Variants in FCGR2A observed in about 807,000 individuals in gnomAD.
FCGR2A encodes Fc gamma receptor IIa.
A neutral mutation model predicts 29.3 loss-of-function variants in FCGR2A; 18 were observed. That is an observed-to-expected ratio of 0.62 (90% CI 0.43 to 0.91). The LOEUF is 0.91. FCGR2A is among the 40% of genes least tolerant of loss of function. The pLI, the probability that FCGR2A is intolerant of heterozygous loss-of-function variation, is 0.00. For missense variants in FCGR2A, 287 were observed against 393.0 expected (o/e 0.73, Z 2.28); for synonymous variants, 126 against 144.8 (o/e 0.87, Z 0.93).
At chr1:161,513,638 C>G (rs1675956751) in intron 5 of FCGR2A, 1 of 565,410 alleles carries the variant, frequency 1.8e-6, no homozygotes, top group Non-Finnish European at 3.1e-6. Flanking sequence ...GAAAGCTCAG[C>G]AATTCCCTGA....
In FCGR2A at chr1:161,517,382, G is replaced by A. The variant is rs992439763; in HGVS notation, c.781-593G>A. ...CTTAAATTAGAATAAGGTTTCCAAT[G>A]AGTTACAGCAGAGGAGATTGGCTTC... On this transcript the variant is annotated intron_variant, in intron 6 of 6. Coordinates refer to ENST00000271450, the MANE Select transcript of FCGR2A (RefSeq NM_001136219.3). Among the ~76,000 whole-genome samples the A allele has an allele frequency of 1.3e-5, 2 of 152,100 alleles. 1 individual carries two copies. The highest frequency in any genetic ancestry group is 4.8e-5 in the African/African-American group (2 of 41,408).
intron 5 of FCGR2A, 132 bp downstream of exon 5, chr1:161,511,088 T>G: frequency 2.2e-6 from 3 of 1,385,902 alleles, no homozygotes; most frequent in Non-Finnish European, 3.0e-6. Flanking sequence ...TATTTATTAG[T>G]TCATTTATTA....
At chr1:161,505,650 G>A in intron 1 of FCGR2A, 98 bp downstream of exon 1, 1 of 975,624 alleles carries the variant, frequency 1.0e-6, no homozygotes, top group Non-Finnish European at 1.7e-6. Context: ...GGCCCTGGAA[G>A]CAGGGGATAG....
chr1:161,522,628 C>T (rs1313192880), downstream of FCGR2A, among the ~76,000 whole-genome samples: 1 of 152,134 alleles, frequency 6.6e-6, no homozygotes, highest in Non-Finnish European at 1.5e-5. Flanking sequence ...GTGTGACCAG[C>T]TTAGACCCTG....
At chr1:161,506,306 C>T (rs765978760) in intron 2 of FCGR2A, 28 bp from the exon 3 acceptor site, 2 of 1,612,934 alleles carry the variant, frequency 1.2e-6, no homozygotes, top group South Asian at 1.1e-5. Flanking sequence ...GTTATTTATT[C>T]CACACCCCTT....
intron 6 of FCGR2A, chr1:161,514,956 G>C (rs1252095968): frequency 6.6e-6 from 1 of 152,106 alleles, no homozygotes; most frequent in South Asian, 2.1e-4. Context: ...GAAACACAGT[G>C]ATTTCTATGT....
intron 6 of FCGR2A, among the ~76,000 whole-genome samples, chr1:161,517,044 GTCTACCA>G (rs1676188323): frequency 7.0e-6 from 1 of 142,352 alleles, no homozygotes; most frequent in Non-Finnish European, 1.5e-5. Flanking sequence ...GCTATCTTCA[GTCTACCA>G]TTTAAACTTG....
chr1:161,506,171 A>T, intron 2 of FCGR2A, 163 bp from the exon 3 acceptor site: 1 of 1,248,980 alleles, frequency 8.0e-7, no homozygotes, highest in Non-Finnish European at 1.2e-6. Context: ...TTTGCTTCTT[A>T]GATCCACTGA....
rs1441813774 is a variant in FCGR2A at position 161,519,191 on chromosome 1, ACT to A, written c.*1046_*1047del. Reference sequence around the variant, plus strand: ...GATGCTGCAGTTCCAAAAGAGAAGGACTCTTCCAGAGTCATCTACCTGAGTCC... The same window carrying A: ...GATGCTGCAGTTCCAAAAGAGAAGGACTTCCAGAGTCATCTACCTGAGTCC... On this transcript the variant is annotated 3_prime_UTR_variant, in exon 7 of 7. Transcript: ENST00000271450. 6.5e-6 allele frequency: 1 copy of A among 153,286 alleles called. No individual in the cohort carries two copies. Among genetic ancestry groups the A allele is most frequent in the East Asian group, 1.9e-4 (1 of 5,344 alleles). The allele number at this position is 153,286 out of a possible 1,614,324, so 9.5% of individuals were successfully genotyped here. A position where few individuals can be genotyped will look rare whatever the true frequency, so the allele number is the denominator to read the frequency against.
At chr1:161,512,191 C>A (rs369630767) in intron 5 of FCGR2A, among the ~76,000 whole-genome samples, 1 of 149,618 alleles carries the variant, frequency 6.7e-6, no homozygotes, top group Admixed American at 6.7e-5. Flanking sequence ...TGAGGCCAAT[C>A]GGACGTGGGA....
intron 5 of FCGR2A, among the ~76,000 whole-genome samples, chr1:161,512,024 G>A (rs1332818685): frequency 6.6e-6 from 1 of 152,196 alleles, no homozygotes; most frequent in East Asian, 1.9e-4. Flanking sequence ...GAGATGAGAA[G>A]AGAAACACCA....
chr1:161,505,489 T>G lies in FCGR2A; in HGVS notation c.22T>G (p.Ser8Ala), dbSNP rs1221283732. The G allele has an allele frequency of 1.9e-6, 3 of 1,614,106 alleles. No homozygotes were observed. In the Admixed American group the frequency reaches 5.0e-5, roughly 27 times the overall value. MTMETQM[S>A]QNVCPRNLWL... ...TGGGATGACTATGGAGACCCAAATGTCTCAGAATGTATGTCCCAGAAACCT... is the reference window on the plus strand; with the variant it reads ...TGGGATGACTATGGAGACCCAAATGGCTCAGAATGTATGTCCCAGAAACCT... The change falls in exon 1 of 7, where the codon TCT becomes GCT. Residue 8 changes from serine (S) to alanine (A), a missense_variant. Physicochemically the swap from Ser to Ala is moderately conservative, Grantham distance 99. Around this residue, in one of 3 missense-constraint regions of FCGR2A, gnomAD observed 181 missense variants for 250.9 expected, o/e 0.72. Coordinates refer to ENST00000271450, the MANE Select transcript of FCGR2A (RefSeq NM_001136219.3).
rs1675351929 is a variant in FCGR2A, at chr1:161,505,899, G to A, written c.86-88G>A. The A allele has an allele frequency of 4.5e-6, 6 of 1,327,314 alleles. No individual in the cohort carries two copies. In the Admixed American group the frequency reaches 1.0e-4, roughly 22 times the overall value. The allele number at this position is 1,327,314 out of a possible 1,614,324, so 82.2% of individuals were successfully genotyped here. ...GGGTCCTGGAGAAGGAAGAGCCCAA[G>A]CTCACCTCCCCAGCATTTCACATAC... On this transcript the variant is annotated intron_variant, in intron 1 of 6. Coordinates refer to ENST00000271450, the MANE Select transcript of FCGR2A (RefSeq NM_001136219.3).
chr1:161,508,898 C>A, intron 3 of FCGR2A, among the ~76,000 whole-genome samples: 1 of 152,124 alleles, frequency 6.6e-6, no homozygotes, highest in East Asian at 1.9e-4. Context: ...ACTGAATTCA[C>A]CTGTGTGAAT....
chr1:161,510,412 C>T, intron 4 of FCGR2A: 1 of 528,128 alleles, frequency 1.9e-6, no homozygotes, highest in South Asian at 2.0e-5. Context: ...CTCGTTTCTT[C>T]TCATGGCTCA....
rs1675365366 is a variant in FCGR2A at position 161,506,017 on chromosome 1, C to A, written c.106+10C>A. 6.2e-7 allele frequency: 1 copy of A among 1,612,946 alleles called. No homozygotes were observed. The highest frequency in any genetic ancestry group is 1.1e-5 in the South Asian group (1 of 91,056). ...GCAGACAGTCAAGCTGGTGAGTATGCCCTTTGCTTCCTTGTATTGACAGTG... is the reference window on the plus strand; with the variant it reads ...GCAGACAGTCAAGCTGGTGAGTATGACCTTTGCTTCCTTGTATTGACAGTG... On this transcript the variant is annotated intron_variant, in intron 2 of 6. Transcript: ENST00000271450.
chr1:161,505,943 G>A (rs774654855), intron 1 of FCGR2A, 44 bp from the exon 2 acceptor site: 12 of 1,610,480 alleles, frequency 7.5e-6, no homozygotes, highest in Admixed American at 3.3e-5. Context: ...ATTTGAAGCC[G>A]TGTTCTCCTG....
downstream of FCGR2A, among the ~76,000 whole-genome samples, chr1:161,522,059 C>T (rs145100746): frequency 0.014 from 2,108 of 152,060 alleles, 69 homozygotes; most frequent in African/African-American, 0.048. Flanking sequence ...TTATACTAGG[C>T]CAGCTGCAGT....
At chr1:161,521,430 G>A (rs1285424660), downstream of FCGR2A, among the ~76,000 whole-genome samples, 3 of 151,828 alleles carry the variant, frequency 2.0e-5, no homozygotes, top group Non-Finnish European at 2.9e-5. Flanking sequence ...ATTTTAAAAC[G>A]GAGGAAGCTG....
Sources: gnomAD v4.1 joint callset for allele counts (sites outside exome capture counted in the v4.1 genomes callset) on GRCh38, gnomAD v4.1.1 for gene constraint, gnomAD v4.1.1 regional missense constraint, MANE v1.5 for transcripts, NCBI Gene and HGNC (gene_info 2026-07-23, HGNC 2026-07-21) for gene names.